Variants in SOX6 observed in about 807,000 individuals in gnomAD.
SOX6 encodes the protein transcription factor SOX-6.
A neutral mutation model predicts 97.8 loss-of-function variants in SOX6; 11 were observed. That is an observed-to-expected ratio of 0.11 (90% confidence interval 0.07 to 0.19). The LOEUF (loss-of-function observed/expected upper bound fraction) is 0.19, where lower values mean the gene tolerates loss of function less well. SOX6 is among the 10% of genes least tolerant of loss of function. The pLI is 1.00. For missense variants in SOX6, 810 were observed against 1,039.5 expected, an observed-to-expected ratio of 0.78 and a Z score of 3.04; for synonymous variants, 360 against 371.4, an observed-to-expected ratio of 0.97 and a Z score of 0.35.
chr11:16,039,637 T>G (rs1054029005), intron 12 of SOX6, among the ~76,000 whole-genome samples: 1 of 152,076 alleles, frequency 6.6e-6, no homozygotes, highest in Non-Finnish European at 1.5e-5. Flanking sequence ...CAAGCAGTAT[T>G]CTAATAAATC....
rs371583542 is a variant in SOX6, at chr11:16,299,561, A to G, written c.445+18885T>C. On this transcript the variant is annotated intron_variant, in intron 3 of 15. Coordinates refer to ENST00000683767, the MANE Select transcript of SOX6 (RefSeq NM_001367873.1). ...TAACATTCTTTTTTTTAAAATCACCACACGCCTTTTCATTTAAGACTGGAA... is the reference window on the plus strand; with the variant it reads ...TAACATTCTTTTTTTTAAAATCACCGCACGCCTTTTCATTTAAGACTGGAA... Among the ~76,000 whole-genome samples the G allele has an allele frequency of 6.2e-4, 95 of 152,298 alleles. 1 individual carries two copies. The South Asian group carries it at 0.015, about 24-fold the overall frequency.
intron 6 of SOX6, among the ~76,000 whole-genome samples, chr11:16,119,245 T>G (rs750655431): frequency 1.3e-5 from 2 of 152,118 alleles, no homozygotes; most frequent in Non-Finnish European, 2.9e-5. Flanking sequence ...TGCATGGAAA[T>G]CCACAGTACA....
At chr11:16,641,247 A>C (rs1167865225) in intron 3 of SOX6, among the ~76,000 whole-genome samples, 2 of 152,130 alleles carry the variant, frequency 1.3e-5, no homozygotes, top group South Asian at 2.1e-4. Flanking sequence ...CCTGAGTTCT[A>C]GTTTGATTGC....
intron 3 of SOX6, chr11:16,318,232 A>C: frequency 1.7e-6 from 1 of 583,456 alleles, no homozygotes; most frequent in South Asian, 2.0e-5. Context: ...GAACCAAATA[A>C]AATGCACAAA....
intron 3 of SOX6, among the ~76,000 whole-genome samples, chr11:16,236,222 GA>G (rs1234624710): frequency 6.6e-6 from 1 of 151,972 alleles, no homozygotes; most frequent in Non-Finnish European, 1.5e-5. Context: ...CCTACATGCA[GA>G]TGCATATGTT....
chr11:16,179,359 C>G (rs994218115), intron 6 of SOX6, among the ~76,000 whole-genome samples: 1 of 151,820 alleles, frequency 6.6e-6, no homozygotes, highest in Non-Finnish European at 1.5e-5. Context: ...ATATAAATAG[C>G]ACACAGGAAT....
At chr11:16,512,467 ATC>A (rs1202163724) in intron 4 of SOX6, among the ~76,000 whole-genome samples, 2 of 152,186 alleles carry the variant, frequency 1.3e-5, no homozygotes, top group Non-Finnish European at 2.9e-5. Flanking sequence ...GCAACATTCA[ATC>A]TGTTTGCAGT....
Position 16,560,560 on chromosome 11 carries a change from T to C in SOX6, n.609+51521A>G, listed in dbSNP as rs546057489. 1.5e-3 allele frequency among the ~76,000 whole-genome samples: 156 copies of C among 102,200 alleles called. 1 individual carries two copies. Among genetic ancestry groups the C allele is most frequent in the Non-Finnish European group, 2.0e-3 (87 of 42,492 alleles). The allele number at this position is 102,200 out of a possible 152,430, so 67.0% of individuals were successfully genotyped here. A position where few individuals can be genotyped will look rare whatever the true frequency, so the allele number is the denominator to read the frequency against. ...GTTTATACGTACATATGTTTATACG[T>C]ACATATATGTTTATACGTACATATA... On this transcript the variant is annotated intron_variant and non_coding_transcript_variant, in intron 4 of 5. Transcript: ENST00000524520.
chr11:16,046,783 A>G (rs1855846737), intron 11 of SOX6, 82 bp from the exon 12 acceptor site: 1 of 1,381,484 alleles, frequency 7.2e-7, no homozygotes, highest in Non-Finnish European at 1.0e-6. Context: ...CCCTGTAGAA[A>G]GCTGCATTCT....
At chr11:16,203,648 G>T (rs1450986273) in intron 4 of SOX6, among the ~76,000 whole-genome samples, 1 of 152,100 alleles carries the variant, frequency 6.6e-6, no homozygotes, top group Non-Finnish European at 1.5e-5. Context: ...AGGTAATCAA[G>T]AATTGCCTAC....
chr11:16,017,919 TG>T (rs983000264), intron 12 of SOX6, among the ~76,000 whole-genome samples: 11 of 152,084 alleles, frequency 7.2e-5, no homozygotes, highest in African/African-American at 1.4e-4. Context: ...CCAGGAAAAC[TG>T]CCCCATCTTC....
intron 3 of SOX6, among the ~76,000 whole-genome samples, chr11:16,250,143 A>G (rs1240287179): frequency 1.3e-5 from 2 of 152,134 alleles, no homozygotes; most frequent in African/African-American, 4.8e-5. Flanking sequence ...CTCCTGTGAG[A>G]TCAGCAGTGG....
At chr11:16,437,270 A>ATT (rs5789953) in intron 1 of SOX6, among the ~76,000 whole-genome samples, 9 of 146,112 alleles carry the variant, frequency 6.2e-5, no homozygotes, top group African/African-American at 2.3e-4. Context: ...CCCTGTCTCT[A>ATT]TTTTTTTTTT....
intron 4 of SOX6, among the ~76,000 whole-genome samples, chr11:16,553,934 T>C (rs1205239746): frequency 1.3e-5 from 2 of 152,112 alleles, no homozygotes; most frequent in Admixed American, 6.6e-5. Flanking sequence ...TTCTTAAATA[T>C]AACATATATG....
At chr11:16,229,112 T>C (rs1852772534) in intron 4 of SOX6, among the ~76,000 whole-genome samples, 2 of 152,276 alleles carry the variant, frequency 1.3e-5, no homozygotes, top group Non-Finnish European at 1.5e-5. Flanking sequence ...ATGGCAGTGA[T>C]AAAGGCTGAG....
At chr11:16,055,927 G>C in intron 9 of SOX6, 26 bp from the exon 10 acceptor site, 1 of 1,612,288 alleles carries the variant, frequency 6.2e-7, no homozygotes, top group Non-Finnish European at 8.5e-7. Flanking sequence ...GACAAACATT[G>C]ATCTCTTTAA....
intron 10 of SOX6, among the ~76,000 whole-genome samples, chr11:16,051,632 A>T (rs1232523601): frequency 6.6e-6 from 1 of 152,114 alleles, no homozygotes; most frequent in African/African-American, 2.4e-5. Context: ...GGATGTTTGA[A>T]CTAGTTTGTT....
rs116294184 is a variant in SOX6 at position 16,389,613 on chromosome 11, T to G, written c.-4-48361A>C. Among the ~76,000 whole-genome samples, 1,107 of 152,234 alleles carry G rather than the reference T, an allele frequency of 7.3e-3. 17 individuals are homozygous for G. The highest frequency in any genetic ancestry group is 0.024 in the African/African-American group (987 of 41,538). On this transcript the variant is annotated intron_variant, in intron 1 of 15. Transcript: ENST00000396356. ...CAATTTTGGATTATATCTTAGACAT[T>G]GTGACCACTATGCTGTGGAGACTCT...
intron 2 of SOX6, among the ~76,000 whole-genome samples, chr11:16,715,644 C>T (rs1436823397): frequency 1.3e-5 from 2 of 151,370 alleles, no homozygotes; most frequent in Non-Finnish European, 2.9e-5. Flanking sequence ...AGATAATAAA[C>T]ATTAATTTCC....
Sources: allele counts gnomAD v4.1 joint callset (sites outside exome capture counted in the v4.1 genomes callset), GRCh38; gene constraint gnomAD v4.1.1; transcripts MANE v1.5; gene names NCBI Gene and HGNC (gene_info 2026-07-23, HGNC 2026-07-21).